Variants in CLCN5 observed in about 807,000 individuals in gnomAD.
CLCN5 encodes the protein Cl-/H+ antiporter 5.
Under a neutral mutation model 54.0 loss-of-function variants are expected in CLCN5, and 17 were observed. The observed-to-expected ratio is 0.31, with a 90% CI of 0.22 to 0.47. The LOEUF (loss-of-function observed/expected upper bound fraction) is 0.47. CLCN5 is among the 20% of genes least tolerant of loss of function. The pLI, the probability that CLCN5 is intolerant of heterozygous loss-of-function variation, is 1.00. For missense variants in CLCN5, 448 were observed against 646.7 expected (o/e 0.69, Z 3.33); for synonymous variants, 222 against 233.0 (o/e 0.95, Z 0.43).
At chrX:49,938,032 G>T (rs1557170062) in intron 3 of CLCN5, among the ~76,000 whole-genome samples, 1 of 111,525 alleles carries the variant, frequency 9.0e-6, no homozygotes, top group South Asian at 3.8e-4. Flanking sequence ...ATGTCCTCTT[G>T]GTTTGGCATA....
intron 5 of CLCN5, among the ~76,000 whole-genome samples, chrX:50,070,766 A>T (rs1933190663): frequency 9.0e-6 from 1 of 111,728 alleles, no homozygotes; most frequent in African/African-American, 3.3e-5. Context: ...TTAGCAAGAG[A>T]ATTTCCCCAC....
intron 3 of CLCN5, among the ~76,000 whole-genome samples, chrX:50,019,498 C>CT (rs1156929338): frequency 2.5e-5 from 1 of 40,721 alleles, no homozygotes; most frequent in Non-Finnish European, 4.1e-5. Context: ...TTATTATACT[C>CT]TAAGTTTTAG....
chrX:49,990,173 T>A (rs968367948), intron 3 of CLCN5, among the ~76,000 whole-genome samples: 1 of 105,692 alleles, frequency 9.5e-6, no homozygotes, highest in African/African-American at 3.4e-5. Flanking sequence ...ATGTGGATAA[T>A]TTTTTTTTTT....
rs1326155659 is a variant in CLCN5 at position 50,092,431 on chromosome X, A to G, written c.*212A>G. The G allele has an allele frequency of 2.2e-5, 9 of 409,899 alleles. No homozygotes were observed. Among genetic ancestry groups the G allele is most frequent in the Non-Finnish European group, 3.0e-5 (7 of 234,547 alleles). 33.8% of individuals were successfully genotyped at this position (409,899 alleles called of 1,213,427 possible). ...ATTATAGTTAGGCTTCCATGATGTTACATTAGGAAGATATCATGAAAGAAT... is the reference window on the plus strand; with the variant it reads ...ATTATAGTTAGGCTTCCATGATGTTGCATTAGGAAGATATCATGAAAGAAT... On this transcript the variant is annotated 3_prime_UTR_variant, in exon 15 of 15. Transcript: ENST00000376091.
chrX:49,970,434 T>G (rs1928149736), intron 3 of CLCN5, among the ~76,000 whole-genome samples: 1 of 111,216 alleles, frequency 9.0e-6, no homozygotes, highest in Non-Finnish European at 1.9e-5. Flanking sequence ...TACCCGCACC[T>G]GAGCACTCTA....
Position 50,086,111 on chromosome X carries a change from T to C in CLCN5, c.1014+51T>C, listed in dbSNP as rs996055312. The C allele has an allele frequency of 6.9e-6, 7 of 1,007,470 alleles. No individual in the cohort carries two copies. In the Admixed American group the frequency reaches 1.3e-4, roughly 19 times the overall value. The allele number at this position is 1,007,470 out of a possible 1,213,427, so 83.0% of individuals were successfully genotyped here. ...GTGCATGCTTTTGTGTCAGGAATTT[T>C]GTACATTGCAGCGCAATAATTTTGT... is the stretch of plus-strand genomic sequence containing the variant. On this transcript the variant is annotated intron_variant, in intron 10 of 14. Coordinates refer to ENST00000376091, the MANE Select transcript of CLCN5 (RefSeq NM_001127898.4).
rs113420312 is a variant in CLCN5, at chrX:50,089,099, A to ACT, written c.1744+219_1744+220dup. 0.12 allele frequency among the ~76,000 whole-genome samples: 13,142 copies of ACT among 111,559 alleles called. 1,934 individuals carry two copies. The highest frequency in any genetic ancestry group is 0.41 in the African/African-American group (12,516 of 30,348). On this transcript the variant is annotated intron_variant, in intron 12 of 14. Coordinates refer to ENST00000376091, the MANE Select transcript of CLCN5 (RefSeq NM_001127898.4). Reference sequence around the variant, plus strand: ...CATAATAAAAAAGAAAAGGAATTCTACTCTCATACTGGGGAAATAATCAGA... The same window carrying ACT: ...CATAATAAAAAAGAAAAGGAATTCTACTCTCTCATACTGGGGAAATAATCAGA...
chrX:50,070,930 C>G (rs1011070325), intron 5 of CLCN5, among the ~76,000 whole-genome samples: 2 of 111,097 alleles, frequency 1.8e-5, no homozygotes, highest in Admixed American at 9.6e-5. Flanking sequence ...AATAGTTGTC[C>G]AACCCCAGAG....
At chrX:49,932,421 T>C (rs1925705586) in intron 3 of CLCN5, among the ~76,000 whole-genome samples, 1 of 112,381 alleles carries the variant, frequency 8.9e-6, no homozygotes, top group Admixed American at 9.4e-5. Context: ...TATGCAATAA[T>C]GTGTATAACT....
chrX:50,060,560 G>A lies in CLCN5; in HGVS notation c.164-9319G>A, dbSNP rs1461892953. On this transcript the variant is annotated intron_variant, in intron 4 of 14. Transcript: ENST00000376091. The stretch of plus-strand genomic sequence containing the variant: ...ACAGCAGTCTGAGATCAAACTGCAA[G>A]GCGGCAGCGAGGCTGGGGGAGGGGC... 3.0e-4 allele frequency among the ~76,000 whole-genome samples: 33 copies of A among 108,568 alleles called. 1 individual carries two copies. The South Asian group carries it at 0.013, about 44-fold the overall frequency. The allele number at this position is 108,568 out of a possible 115,157, so 94.3% of individuals were successfully genotyped here.
In CLCN5 at chrX:49,952,759, T is replaced by C. The variant is rs372017855; in HGVS notation, c.16+27445T>C. Among the ~76,000 whole-genome samples the C allele has an allele frequency of 2.7e-5, 3 of 112,323 alleles. No individual in the cohort carries two copies. In the Admixed American group the frequency reaches 2.8e-4, roughly 11 times the overall value. On this transcript the variant is annotated intron_variant, in intron 3 of 14. Transcript: ENST00000376091. ...ATAAATGTAATATGTTATTGTAATA[T>C]GTATTTAACCAGTTTTAAAAATTAG...
rs370259666 is a variant in CLCN5 at position 50,078,891 on chromosome X, C to T, written c.604-1703C>T. Among the ~76,000 whole-genome samples the T allele has an allele frequency of 6.3e-5, 7 of 111,883 alleles. No individual in the cohort carries two copies. The East Asian group carries it at 1.1e-3, about 18-fold the overall frequency. ...AGGCTGGAGTGCAGTGGTGCGATCT[C>T]GGCTCACTGCAAGCTCCGCCTCCCG... On this transcript the variant is annotated intron_variant, in intron 7 of 14. Coordinates refer to ENST00000376091, the MANE Select transcript of CLCN5 (RefSeq NM_001127898.4).
At chrX:50,029,373 A>G (rs1345812765) in intron 3 of CLCN5, among the ~76,000 whole-genome samples, 4 of 96,777 alleles carry the variant, frequency 4.1e-5, no homozygotes, top group African/African-American at 1.2e-4. Flanking sequence ...TCTTTGTTCA[A>G]TTCCCACCTA....
intron 4 of CLCN5, among the ~76,000 whole-genome samples, chrX:50,062,115 C>T (rs1159178527): frequency 8.5e-5 from 9 of 106,264 alleles, no homozygotes; most frequent in African/African-American, 1.1e-4. Context: ...AGCAAAATAA[C>T]GAGCTAACAT....
rs2147542912 is a variant in CLCN5, at chrX:50,069,621, C to T, written c.164-258C>T. 3 of 889,530 alleles carry T rather than the reference C, an allele frequency of 3.4e-6. No homozygotes were observed. In the East Asian group the frequency reaches 1.6e-4, roughly 49 times the overall value. 73.3% of individuals were successfully genotyped at this position (889,530 alleles called of 1,213,427 possible). A position where few individuals can be genotyped will look rare whatever the true frequency, so the allele number is the denominator to read the frequency against. ...TCATAAATCCTTTCCCATTGCACAT[C>T]AACTCCTGTCTCTCTTTGTACTGTC... On this transcript the variant is annotated intron_variant, in intron 4 of 14. Coordinates refer to ENST00000376091, the MANE Select transcript of CLCN5 (RefSeq NM_001127898.4).
chrX:49,984,725 C>T (rs1348889042), intron 3 of CLCN5, among the ~76,000 whole-genome samples: 1 of 110,367 alleles, frequency 9.1e-6, no homozygotes, highest in Non-Finnish European at 1.9e-5. Flanking sequence ...AGTGATCCTC[C>T]TACCTCAGCC....
Position 50,062,896 on chromosome X carries a change from T to A in CLCN5, c.164-6983T>A, listed in dbSNP as rs1173904779. Among the ~76,000 whole-genome samples, 88 of 107,517 alleles carry A rather than the reference T, an allele frequency of 8.2e-4. 2 individuals carry two copies. Among genetic ancestry groups the A allele is most frequent in the African/African-American group, 2.9e-3 (83 of 28,401 alleles). 93.4% of individuals were successfully genotyped at this position (107,517 alleles called of 115,157 possible). A position where few individuals can be genotyped will look rare whatever the true frequency, so the allele number is the denominator to read the frequency against. On this transcript the variant is annotated intron_variant, in intron 4 of 14. Transcript: ENST00000376091. Reference sequence around the variant, plus strand: ...ACTACATGGAAACTGAACAACCTGCTCCTGAATGACTACTGGGTAAATAAC... The same window carrying A: ...ACTACATGGAAACTGAACAACCTGCACCTGAATGACTACTGGGTAAATAAC...
chrX:50,076,483 T>G (rs1044565463), intron 7 of CLCN5, among the ~76,000 whole-genome samples: 1 of 112,102 alleles, frequency 8.9e-6, no homozygotes, highest in Non-Finnish European at 1.9e-5. Flanking sequence ...CATTTTGTAA[T>G]CAAATCAATA....
intron 3 of CLCN5, among the ~76,000 whole-genome samples, chrX:49,953,275 C>T (rs1302100139): frequency 8.9e-6 from 1 of 111,854 alleles, no homozygotes. Flanking sequence ...TCTATATTGA[C>T]ACCTCTTCAT....
Sources: gnomAD v4.1 joint callset for allele counts (sites outside exome capture counted in the v4.1 genomes callset) on GRCh38, gnomAD v4.1.1 for gene constraint, MANE v1.5 for transcripts, NCBI Gene and HGNC (gene_info 2026-07-23, HGNC 2026-07-21) for gene names.